The following PRKCZ variants were observed in gnomAD, a reference collection of about 807,000 sequenced individuals.
PRKCZ encodes protein kinase C zeta, also known as protein kinase C zeta type.
PRKCZ carries 33 observed loss-of-function variants against 79.5 expected under a neutral mutation model. The ratio of observed to expected loss-of-function variants is 0.41; its 90% confidence interval spans 0.31 to 0.55. The LOEUF (loss-of-function observed/expected upper bound fraction) is 0.55. PRKCZ is among the 20% of genes least tolerant of loss of function. The pLI, the probability that PRKCZ is intolerant of heterozygous loss-of-function variation, is 0.19. For missense variants in PRKCZ, 578 were observed against 813.5 expected (o/e 0.71, Z 3.52); for synonymous variants, 342 against 320.9 (o/e 1.07, Z -0.70).
intron 6 of PRKCZ, among the ~76,000 whole-genome samples, chr1:2,145,750 C>CA (rs967953996): frequency 2.4e-4 from 36 of 151,620 alleles, no homozygotes; most frequent in Non-Finnish European, 8.8e-5. Flanking sequence ...CCCATCTCTA[C>CA]AAAAAAAATA....
At chr1:2,134,978 C>G in intron 4 of PRKCZ, 1 of 264,442 alleles carries the variant, frequency 3.8e-6, no homozygotes, top group Non-Finnish European at 7.3e-6. Flanking sequence ...CCACTGTCAG[C>G]AAGCGGCCGT....
chr1:2,084,077 C>A (rs967440890), intron 4 of PRKCZ, among the ~76,000 whole-genome samples: 3 of 152,104 alleles, frequency 2.0e-5, no homozygotes, highest in African/African-American at 7.2e-5. Flanking sequence ...ACTAAAAATA[C>A]AAAAATTAGC....
At chr1:2,050,261 C>T (rs1659514367), upstream of PRKCZ, among the ~76,000 whole-genome samples, 1 of 151,810 alleles carries the variant, frequency 6.6e-6, no homozygotes, top group South Asian at 2.1e-4. Flanking sequence ...TAGCCCCGCC[C>T]GCGCCTCGCC....
rs917338290 is a variant in PRKCZ at position 2,095,963 on chromosome 1, C to T, written c.334+36372C>T. On this transcript the variant is annotated intron_variant, in intron 4 of 17. Coordinates refer to ENST00000378567, the MANE Select transcript of PRKCZ (RefSeq NM_002744.6). ...CTTTCCCCTCCCCTCACCTGTTTGA[C>T]TCTGCTGTGCCAGGGGCCAGGGCAG... 2.1e-5 allele frequency among the ~76,000 whole-genome samples: 3 copies of T among 142,460 alleles called. No individual in the cohort carries two copies. In the East Asian group the frequency reaches 6.9e-4, roughly 33 times the overall value. 93.5% of individuals were successfully genotyped at this position (142,460 alleles called of 152,430 possible).
intron 4 of PRKCZ, among the ~76,000 whole-genome samples, chr1:2,121,503 A>G (rs58161577): frequency 0.18 from 15,077 of 84,030 alleles, 3,347 homozygotes; most frequent in African/African-American, 0.45. Flanking sequence ...GGTAGTTAGG[A>G]TCATGGTGGT....
chr1:2,079,221 C>T (rs897484889), intron 4 of PRKCZ, among the ~76,000 whole-genome samples: 17 of 152,340 alleles, frequency 1.1e-4, no homozygotes, highest in Middle Eastern at 3.4e-3. Flanking sequence ...TTATTCGTCC[C>T]GGCTGAGAAG....
rs760344851 is a variant in PRKCZ at position 2,172,221 on chromosome 1, T to G, written c.1197+31T>G. The G allele has an allele frequency of 1.2e-5, 20 of 1,613,336 alleles. No homozygotes were observed. In the South Asian group the frequency reaches 2.1e-4, roughly 17 times the overall value. ...TGCCTTGGACCGCCTCCCCTGACCA[T>G]CCCGCATGTGCGTCTCGGGGCGCCT... On this transcript the variant is annotated intron_variant, in intron 12 of 17. Coordinates refer to ENST00000378567, the MANE Select transcript of PRKCZ (RefSeq NM_002744.6). This position sits in a 1 kb window ranked among gnomAD's most constrained non-coding sequence, Gnocchi z 7.8.
intron 9 of PRKCZ, among the ~76,000 whole-genome samples, chr1:2,153,046 A>T (rs1680214788): frequency 6.6e-6 from 1 of 152,122 alleles, no homozygotes; most frequent in African/African-American, 2.4e-5. Flanking sequence ...TGTTCAACTG[A>T]TGGGGACCTG....
chr1:2,131,415 G>A (rs1674932536), intron 4 of PRKCZ, among the ~76,000 whole-genome samples: 1 of 152,168 alleles, frequency 6.6e-6, no homozygotes, highest in African/African-American at 2.4e-5. Flanking sequence ...GACCAGCCTG[G>A]GCAACACAGG....
In PRKCZ at chr1:2,094,960, G is replaced by A. The variant is rs376562988; in HGVS notation, c.334+35369G>A. On this transcript the variant is annotated intron_variant, in intron 4 of 17. Transcript: ENST00000378567. The surrounding 1 kb of genome is among the most constrained non-coding windows in gnomAD (Gnocchi z 7.3). ...TGCCAGTTCTCTCCCTGCCCCCGCCGGCATGACACGGACACTGGTGCCCGA... is the reference window on the plus strand; with the variant it reads ...TGCCAGTTCTCTCCCTGCCCCCGCCAGCATGACACGGACACTGGTGCCCGA... 1.3e-5 allele frequency among the ~76,000 whole-genome samples: 2 copies of A among 152,062 alleles called. No homozygotes were observed. The highest frequency in any genetic ancestry group is 4.1e-4 in the South Asian group (2 of 4,828).
chr1:2,151,153 C>T lies in PRKCZ; in HGVS notation c.876+175C>T, dbSNP rs1031223877. On this transcript the variant is annotated intron_variant, in intron 9 of 17. Coordinates refer to ENST00000378567, the MANE Select transcript of PRKCZ (RefSeq NM_002744.6). ...GACCAGGATGTGTTCTGGAAAGTGC[C>T]TGGTTAGGTAATGGCACTGTTGTGT... 3.3e-5 allele frequency among the ~76,000 whole-genome samples: 5 copies of T among 152,370 alleles called. No individual in the cohort carries two copies. The South Asian group carries it at 1.0e-3, about 32-fold the overall frequency.
At chr1:2,161,354 G>C (rs1000736636) in intron 10 of PRKCZ, among the ~76,000 whole-genome samples, 42 of 152,390 alleles carry the variant, frequency 2.8e-4, no homozygotes, top group African/African-American at 9.9e-4. Flanking sequence ...AGCATCAGGG[G>C]CCTGGCAGGA....
chr1:2,052,382 C>T (rs1571063021), intron 1 of PRKCZ, among the ~76,000 whole-genome samples: 1 of 149,530 alleles, frequency 6.7e-6, no homozygotes, highest in African/African-American at 2.4e-5. Flanking sequence ...CCCACCCCTT[C>T]CTCTTCCCTC....
intron 4 of PRKCZ, among the ~76,000 whole-genome samples, chr1:2,083,296 A>AT (rs911319136): frequency 1.3e-5 from 2 of 152,002 alleles, no homozygotes; most frequent in African/African-American, 4.8e-5. Context: ...CCAGTCTCTG[A>AT]TTCCAGCTCC....
intron 4 of PRKCZ, among the ~76,000 whole-genome samples, chr1:2,087,362 T>G (rs1344802663): frequency 6.6e-6 from 1 of 152,046 alleles, no homozygotes; most frequent in Non-Finnish European, 1.5e-5. Context: ...AGATTATAGG[T>G]GTGAGCTGTT....
chr1:2,172,212 C>T lies in PRKCZ; in HGVS notation c.1197+22C>T, dbSNP rs368793172. ...CAAGGTGCGTGCCTTGGACCGCCTC[C>T]CCTGACCATCCCGCATGTGCGTCTC... is the stretch of plus-strand genomic sequence containing the variant. On this transcript the variant is annotated intron_variant, in intron 12 of 17. Transcript: ENST00000378567. The surrounding 1 kb of genome is among the most constrained non-coding windows in gnomAD (Gnocchi z 7.8). 3.0e-5 allele frequency: 48 copies of T among 1,613,444 alleles called. No individual in the cohort carries two copies. The African/African-American group carries it at 4.1e-4, about 14-fold the overall frequency.
chr1:2,163,310 C>T (rs541980523), intron 10 of PRKCZ, among the ~76,000 whole-genome samples: 87 of 152,344 alleles, frequency 5.7e-4, no homozygotes, highest in African/African-American at 1.9e-3. Flanking sequence ...TGCCTGCAGC[C>T]GTGGAACTGG....
chr1:2,164,736 C>G (rs1169642953), intron 10 of PRKCZ, among the ~76,000 whole-genome samples: 9 of 152,202 alleles, frequency 5.9e-5, no homozygotes, highest in Admixed American at 2.0e-4. Flanking sequence ...CGGGAACATT[C>G]TAAATTGCGT....
At chr1:2,096,515 C>T (rs1170182124) in intron 4 of PRKCZ, among the ~76,000 whole-genome samples, 1 of 152,174 alleles carries the variant, frequency 6.6e-6, no homozygotes, top group Non-Finnish European at 1.5e-5. Flanking sequence ...AAAACAGCGC[C>T]AAGCGTGTCC....
Sources: allele counts gnomAD v4.1 joint callset (sites outside exome capture counted in the v4.1 genomes callset), GRCh38; gene constraint gnomAD v4.1.1; non-coding constraint Gnocchi (gnomAD v3.1); transcripts MANE v1.5; gene names NCBI Gene and HGNC (gene_info 2026-07-23, HGNC 2026-07-21).